The following SIDT1 variants were observed in gnomAD, a reference collection of about 807,000 sequenced individuals.
SIDT1 encodes SID1 transmembrane family, member 1.
In SIDT1, 101 loss-of-function variants were observed where a neutral mutation model predicts 107.5. That is an observed-to-expected ratio of 0.94 (90% CI 0.80 to 1.11). The LOEUF (loss-of-function observed/expected upper bound fraction) is 1.11, where lower values mean the gene tolerates loss of function less well. Among genes scored for constraint, SIDT1 ranks in the 50% least tolerant of loss-of-function variants. The pLI, the probability that SIDT1 is intolerant of heterozygous loss-of-function variation, is 0.00. For missense variants in SIDT1, 1,076 were observed against 1,058.2 expected, an observed-to-expected ratio of 1.02 and a Z score of -0.23; for synonymous variants, 395 against 398.2, an observed-to-expected ratio of 0.99 and a Z score of 0.10.
At chr3:113,553,552 T>C (rs1453057092) in intron 1 of SIDT1, among the ~76,000 whole-genome samples, 2 of 152,154 alleles carry the variant, frequency 1.3e-5, no homozygotes, top group Non-Finnish European at 2.9e-5. Context: ...TATTTTTCCT[T>C]TTTCAATCCC....
chr3:113,573,292 C>A (rs1041057541), intron 3 of SIDT1, among the ~76,000 whole-genome samples: 1 of 152,162 alleles, frequency 6.6e-6, no homozygotes, highest in Non-Finnish European at 1.5e-5. Flanking sequence ...AGCAGGGGAT[C>A]ACTATTCTGT....
chr3:113,614,993 A>T, intron 19 of SIDT1: 1 of 1,486,802 alleles, frequency 6.7e-7, no homozygotes, highest in Non-Finnish European at 9.1e-7. Context: ...CCAGTAGTTT[A>T]CATGTTTGGC....
intron 14 of SIDT1, 58 bp from the exon 15 acceptor site, chr3:113,606,983 C>A: frequency 9.2e-7 from 1 of 1,081,138 alleles, no homozygotes; most frequent in Non-Finnish European, 1.4e-6. Flanking sequence ...TGTGTTCCTG[C>A]TGGGGCTCAG....
Position 113,567,721 on chromosome 3 carries a change from C to T in SIDT1, c.515+11C>T, listed in dbSNP as rs757211835. The T allele has an allele frequency of 3.1e-6, 5 of 1,612,316 alleles. No individual in the cohort carries two copies. The South Asian group carries it at 5.5e-5, about 18-fold the overall frequency. Reference sequence around the variant, plus strand: ...GCACTTCCAGCTCCGGTAAGCGGGACTTTCTCTGTTTACCTGTCTGTGTTT... The same window carrying T: ...GCACTTCCAGCTCCGGTAAGCGGGATTTTCTCTGTTTACCTGTCTGTGTTT... On this transcript the variant is annotated intron_variant, in intron 3 of 24. Transcript: ENST00000264852.
intron 1 of SIDT1, among the ~76,000 whole-genome samples, chr3:113,562,187 C>A (rs1027163936): frequency 1.6e-4 from 24 of 146,770 alleles, no homozygotes; most frequent in African/African-American, 3.0e-4. Context: ...TGGCTATATT[C>A]AAAAAAAAAA....
chr3:113,575,565 T>G (rs1942833777), intron 3 of SIDT1, among the ~76,000 whole-genome samples: 1 of 152,210 alleles, frequency 6.6e-6, no homozygotes, highest in Non-Finnish European at 1.5e-5. Flanking sequence ...GAACCAATCC[T>G]CAACATTGAT....
At chr3:113,607,311 A>G (rs1227120083) in intron 15 of SIDT1, among the ~76,000 whole-genome samples, 197 bp downstream of exon 15, 1 of 152,222 alleles carries the variant, frequency 6.6e-6, no homozygotes, top group African/African-American at 2.4e-5. Context: ...AACATTCCTT[A>G]GCATACTGCC....
chr3:113,570,267 G>A (rs938153865), intron 3 of SIDT1, among the ~76,000 whole-genome samples: 4 of 152,162 alleles, frequency 2.6e-5, no homozygotes, highest in Admixed American at 2.0e-4. Flanking sequence ...CATTTGATGG[G>A]AGTTACACAT....
chr3:113,545,274 G>C (rs1939463934), intron 1 of SIDT1, among the ~76,000 whole-genome samples: 1 of 152,008 alleles, frequency 6.6e-6, no homozygotes, highest in African/African-American at 2.4e-5. Context: ...TCCAACTAGT[G>C]ATCTTTAAAT....
chr3:113,599,425 T>G (rs1944800624), intron 10 of SIDT1, among the ~76,000 whole-genome samples: 1 of 152,222 alleles, frequency 6.6e-6, no homozygotes, highest in Non-Finnish European at 1.5e-5. Context: ...TTTAGAAAGG[T>G]ATTCTTGAGC....
At chr3:113,576,874 C>A (rs1942945531) in intron 3 of SIDT1, 48 bp from the exon 4 acceptor site, 1 of 1,588,272 alleles carries the variant, frequency 6.3e-7, no homozygotes, top group African/African-American at 1.3e-5. Flanking sequence ...CTAACTTATG[C>A]TTTTCTCTCA....
In SIDT1 at chr3:113,626,167, T is replaced by G; in HGVS notation, c.2373T>G (p.His791Gln). 6.2e-7 allele frequency: 1 copy of G among 1,614,166 alleles called. No homozygotes were observed. Among genetic ancestry groups the G allele is most frequent in the Non-Finnish European group, 8.5e-7 (1 of 1,179,998 alleles). ...ECILLDFFDDHDIWHFLSATA... is the reference protein window; with the variant it reads ...ECILLDFFDDQDIWHFLSATA... ...TTCTGCTGGATTTCTTCGATGACCA[T>G]GACATCTGGCACTTCCTCTCTGCTA... The change falls in exon 24 of 25, where the codon CAT becomes CAG. Residue 791 changes from histidine to glutamine, a missense_variant. Transcript: ENST00000264852.
At chr3:113,609,156 G>A (rs1945560832) in intron 17 of SIDT1, among the ~76,000 whole-genome samples, 1 of 150,218 alleles carries the variant, frequency 6.7e-6, no homozygotes, top group South Asian at 2.1e-4. Flanking sequence ...TCTGCCTCAG[G>A]GGTTCAAGTG....
chr3:113,589,106 A>G lies in SIDT1; in HGVS notation c.1001+3836A>G, dbSNP rs529892911. Reference sequence around the variant, plus strand: ...AAGATGCAGATTCGGAATTAGCACAATGTTACTTCCCCCTCATTCAATTGG... The same window carrying G: ...AAGATGCAGATTCGGAATTAGCACAGTGTTACTTCCCCCTCATTCAATTGG... On this transcript the variant is annotated intron_variant, in intron 9 of 24. Coordinates refer to ENST00000264852, the MANE Select transcript of SIDT1 (RefSeq NM_017699.3). Among the ~76,000 whole-genome samples the G allele has an allele frequency of 4.6e-5, 7 of 152,350 alleles. No individual in the cohort carries two copies. The East Asian group carries it at 9.6e-4, about 21-fold the overall frequency.
chr3:113,576,893 C>T (rs1430796835), intron 3 of SIDT1, 29 bp from the exon 4 acceptor site: 4 of 1,612,404 alleles, frequency 2.5e-6, no homozygotes, highest in Non-Finnish European at 2.5e-6. Flanking sequence ...CACTTTTCCC[C>T]TTTCCCTTCT....
chr3:113,536,109 G>T (rs1938126066), intron 1 of SIDT1, among the ~76,000 whole-genome samples: 1 of 152,098 alleles, frequency 6.6e-6, no homozygotes, highest in Non-Finnish European at 1.5e-5. Context: ...CCACCAGGGG[G>T]ATTTCAAGAT....
chr3:113,615,224 G>T, intron 19 of SIDT1: 1 of 809,878 alleles, frequency 1.2e-6, no homozygotes, highest in Non-Finnish European at 2.0e-6. Flanking sequence ...GAGGCTCAGA[G>T]GGGAGGCTGC....
At position 113,626,179 on chromosome 3, in the gene SIDT1, C is replaced by T; in HGVS notation, c.2385C>T (p.His795=). 1 of 1,613,888 alleles carries T rather than the reference C, an allele frequency of 6.2e-7. No individual in the cohort carries two copies. The highest frequency in any genetic ancestry group is 8.5e-7 in the Non-Finnish European group (1 of 1,179,796). The part of the protein sequence containing the change: ...LDFFDDHDIW[H]FLSATALFFS... ...TCTTCGATGACCATGACATCTGGCACTTCCTCTCTGCTACTGCTCTGTTTT... is the reference window on the plus strand; with the variant it reads ...TCTTCGATGACCATGACATCTGGCATTTCCTCTCTGCTACTGCTCTGTTTT... Residue 795 remains histidine (H), a synonymous_variant, in exon 24 of 25, where the codon CAC becomes CAT. Coordinates refer to ENST00000264852, the MANE Select transcript of SIDT1 (RefSeq NM_017699.3).
intron 21 of SIDT1, among the ~76,000 whole-genome samples, chr3:113,623,192 TAAAAAAAAAAAAA>T (rs61454117): frequency 3.7e-5 from 2 of 53,852 alleles, no homozygotes; most frequent in African/African-American, 8.1e-5. Context: ...CCCCAACTCT[TAAAAAAAAAAAAA>T]AAAAAAAAAA....
Sources: allele counts gnomAD v4.1 joint callset (sites outside exome capture counted in the v4.1 genomes callset), GRCh38; gene constraint gnomAD v4.1.1; transcripts MANE v1.5; gene names NCBI Gene and HGNC (gene_info 2026-07-23, HGNC 2026-07-21).